Variants in INSL6 observed in about 807,000 individuals in gnomAD.
The protein encoded by INSL6 is insulin-like peptide INSL6.
INSL6 carries 16 observed loss-of-function variants against 9.4 expected under a neutral mutation model. The observed-to-expected ratio is 1.70, with a 90% CI of 1.15 to 2.59. INSL6 has a LOEUF of 2.59. Among genes scored for constraint, INSL6 ranks in the 30% most tolerant of loss-of-function variants. The probability of loss-of-function intolerance (pLI) is 0.00; values close to 1 mark genes in which losing one functional copy is unlikely to be tolerated. For missense variants in INSL6, 391 were observed against 257.3 expected (o/e 1.52, Z -3.56); for synonymous variants, 154 against 96.9 (o/e 1.59, Z -3.46).
the INSL6 span, among the ~76,000 whole-genome samples, chr9:5,058,023 T>A: frequency 6.6e-6 from 1 of 152,212 alleles, no homozygotes; most frequent in Non-Finnish European, 1.5e-5. Flanking sequence ...TGTATCAATT[T>A]CCTTCATTTT....
the INSL6 span, among the ~76,000 whole-genome samples, chr9:5,068,473 CAGT>C: frequency 6.6e-6 from 1 of 152,184 alleles, no homozygotes; most frequent in Non-Finnish European, 1.5e-5. Flanking sequence ...CTCTTAGAAA[CAGT>C]GGTACTTGAA....
At chr9:5,022,102 C>T in the INSL6 span, 2 of 1,613,616 alleles carry the variant, frequency 1.2e-6, no homozygotes, top group East Asian at 2.2e-5. Flanking sequence ...AGATCCAGTT[C>T]TTCAGGTGTA....
At chr9:4,993,103 C>A in the INSL6 span, among the ~76,000 whole-genome samples, 1 of 152,140 alleles carries the variant, frequency 6.6e-6, no homozygotes, top group African/African-American at 2.4e-5. Flanking sequence ...AATACAACTC[C>A]TTTAAAAACT....
the INSL6 span, among the ~76,000 whole-genome samples, chr9:5,004,157 C>G: frequency 6.6e-6 from 1 of 152,232 alleles, no homozygotes; most frequent in Admixed American, 6.5e-5. Flanking sequence ...TTAAAATCTA[C>G]TCTTAGCAAT....
At chr9:5,080,555 G>A in the INSL6 span, 1 of 1,593,680 alleles carries the variant, frequency 6.3e-7, no homozygotes, top group Non-Finnish European at 8.5e-7. Context: ...TATGAAGATA[G>A]GCATCAGCTT....
chr9:5,090,980 A>ATAGTT, the INSL6 span: 3 of 1,111,116 alleles, frequency 2.7e-6, no homozygotes, highest in Non-Finnish European at 3.9e-6. Flanking sequence ...TTGTTATTTA[A>ATAGTT]TAGTTTGCCA....
chr9:5,073,097 T>C, the INSL6 span, among the ~76,000 whole-genome samples: 1 of 152,194 alleles, frequency 6.6e-6, no homozygotes, highest in Non-Finnish European at 1.5e-5. Context: ...TAGCAAGATA[T>C]GATACTTACA....
At chr9:5,177,865 CTTCT>C (rs1825347036) in intron 1 of INSL6, among the ~76,000 whole-genome samples, 1 of 152,018 alleles carries the variant, frequency 6.6e-6, no homozygotes, top group African/African-American at 2.4e-5. Flanking sequence ...GGCCAGACTG[CTTCT>C]TTCTTTTTCT....
the INSL6 span, chr9:5,080,584 G>C: frequency 1.2e-6 from 2 of 1,605,528 alleles, no homozygotes; most frequent in Non-Finnish European, 1.7e-6. Context: ...AAAGTGGGCA[G>C]AATTAGCAAA....
chr9:5,133,215 A>G (rs1824324708), intron 3 of INSL6, among the ~76,000 whole-genome samples: 1 of 150,974 alleles, frequency 6.6e-6, no homozygotes, highest in Admixed American at 6.6e-5. Context: ...TCCTGGTGGG[A>G]AAGTTGGGGG....
the INSL6 span, among the ~76,000 whole-genome samples, chr9:5,079,143 T>C: frequency 6.6e-6 from 1 of 152,184 alleles, no homozygotes; most frequent in Non-Finnish European, 1.5e-5. Context: ...AACTGGGCAG[T>C]AGTACAGGAG....
chr9:5,047,093 T>C, the INSL6 span, among the ~76,000 whole-genome samples: 2 of 152,206 alleles, frequency 1.3e-5, no homozygotes, highest in East Asian at 3.8e-4. Flanking sequence ...GTCTAGATAG[T>C]ACCACAAGCA....
At chr9:5,077,065 AGTAATTTTT>A in the INSL6 span, among the ~76,000 whole-genome samples, 5 of 152,066 alleles carry the variant, frequency 3.3e-5, no homozygotes, top group Admixed American at 2.0e-4. Flanking sequence ...GACAATTGTT[AGTAATTTTT>A]GTGTGTAGAA....
intron 3 of INSL6, chr9:5,127,607 G>A (rs921037707): frequency 4.3e-6 from 1 of 231,798 alleles, no homozygotes; most frequent in African/African-American, 2.2e-5. Flanking sequence ...ACTATGAACA[G>A]TTTTCTTTTA....
At chr9:5,113,877 C>T in the INSL6 span, 45 of 212,320 alleles carry the variant, frequency 2.1e-4, no homozygotes, top group South Asian at 1.1e-3. Context: ...CCCTCCCCAC[C>T]GTGAAGATCT....
At chr9:5,110,824 C>T in the INSL6 span, 14 of 445,070 alleles carry the variant, frequency 3.1e-5, no homozygotes, top group Admixed American at 3.1e-4. Context: ...CTGCATCGCC[C>T]GTTTGTTCGG....
chr9:5,109,741 ATATT>A, the INSL6 span: 1 of 152,170 alleles, frequency 6.6e-6, no homozygotes, highest in Non-Finnish European at 1.5e-5. Flanking sequence ...CTTCTCCATA[ATATT>A]TATTCTAGTA....
At chr9:5,169,443 A>G (rs552054587) in intron 1 of INSL6, among the ~76,000 whole-genome samples, 8 of 152,358 alleles carry the variant, frequency 5.3e-5, no homozygotes, top group African/African-American at 1.9e-4. Context: ...CAGACCAGTG[A>G]CACTATGAAG....
intron 3 of INSL6, among the ~76,000 whole-genome samples, chr9:5,130,479 C>G (rs1278482206): frequency 3.3e-5 from 5 of 152,046 alleles, no homozygotes; most frequent in African/African-American, 1.2e-4. Context: ...TTATCAGTTG[C>G]AGATGATAAG....
Sources: allele counts gnomAD v4.1 joint callset (sites outside exome capture counted in the v4.1 genomes callset), GRCh38; gene constraint gnomAD v4.1.1; transcripts MANE v1.5; gene names NCBI Gene and HGNC (gene_info 2026-07-23, HGNC 2026-07-21).